Variants in SPOCK3 observed in about 807,000 individuals in gnomAD.
The protein encoded by SPOCK3 is SPARC (osteonectin), cwcv and kazal like domains proteoglycan 3.
SPOCK3 carries 30 observed loss-of-function variants against 56.6 expected under a neutral mutation model. The observed-to-expected ratio is 0.53, with a 90% CI of 0.40 to 0.72. The LOEUF is 0.72. SPOCK3 is among the 30% of genes least tolerant of loss of function. The pLI is 0.00. For missense variants in SPOCK3, 527 were observed against 530.0 expected, an observed-to-expected ratio of 0.99 and a Z score of 0.06; for synonymous variants, 196 against 183.3, an observed-to-expected ratio of 1.07 and a Z score of -0.56.
At chr4:166,855,523 TA>T (rs751330322) in intron 6 of SPOCK3, among the ~76,000 whole-genome samples, 7 of 151,854 alleles carry the variant, frequency 4.6e-5, no homozygotes, top group Non-Finnish European at 1.0e-4. Flanking sequence ...AGCTACTCTT[TA>T]TACACAGGAA....
At chr4:166,970,664 G>A (rs1745273597) in intron 4 of SPOCK3, among the ~76,000 whole-genome samples, 1 of 151,884 alleles carries the variant, frequency 6.6e-6, no homozygotes, top group African/African-American at 2.4e-5. Flanking sequence ...GGTGGAGGCT[G>A]CAGTGAACTG....
At chr4:167,162,311 C>T (rs909620903) in intron 2 of SPOCK3, among the ~76,000 whole-genome samples, 2 of 151,992 alleles carry the variant, frequency 1.3e-5, no homozygotes, top group Non-Finnish European at 2.9e-5. Flanking sequence ...GGAGACTTAG[C>T]CCCAGACTTA....
intron 2 of SPOCK3, among the ~76,000 whole-genome samples, chr4:167,205,384 T>TATA (rs1734082643): frequency 2.3e-5 from 1 of 42,900 alleles, no homozygotes; most frequent in Non-Finnish European, 3.8e-5. Context: ...ATATATAATA[T>TATA]ATATATTTTA....
rs1024968095 is a variant in SPOCK3 at position 167,105,644 on chromosome 4, T to C, written c.190-43107A>G. Among the ~76,000 whole-genome samples the C allele has an allele frequency of 9.3e-5, 14 of 150,984 alleles. No individual in the cohort carries two copies. The East Asian group carries it at 1.9e-3, about 21-fold the overall frequency. ...ACATTGAAATGTTAAATGGACTAAA[T>C]TGAAATGTTAAATGGACTAAATTAT... On this transcript the variant is annotated intron_variant, in intron 2 of 10. Transcript: ENST00000357545.
At chr4:167,014,421 G>T (rs958756127) in intron 3 of SPOCK3, among the ~76,000 whole-genome samples, 2 of 151,944 alleles carry the variant, frequency 1.3e-5, no homozygotes, top group African/African-American at 2.4e-5. Flanking sequence ...AGAGGCAGGA[G>T]GATTGCTTGA....
intron 2 of SPOCK3, among the ~76,000 whole-genome samples, chr4:167,184,162 C>T (rs1049820615): frequency 3.3e-5 from 5 of 152,082 alleles, no homozygotes; most frequent in African/African-American, 1.2e-4. Flanking sequence ...AAATTAATCC[C>T]CTTTCACTCT....
Position 167,021,925 on chromosome 4 carries a change from T to G in SPOCK3, c.236-21462A>C, listed in dbSNP as rs1312927482. 2.0e-5 allele frequency among the ~76,000 whole-genome samples: 3 copies of G among 152,052 alleles called. No homozygotes were observed. In the East Asian group the frequency reaches 5.8e-4, roughly 29 times the overall value. On this transcript the variant is annotated intron_variant, in intron 3 of 10. Coordinates refer to ENST00000357545, the MANE Select transcript of SPOCK3 (RefSeq NM_001040159.2). ...AATTCTCCTTCGGTGGGTATTAAGC[T>G]TATATAATAACAATAATAATTGCAG...
intron 2 of SPOCK3, among the ~76,000 whole-genome samples, chr4:167,125,191 T>TTTTATTTATTTATTTA: frequency 7.0e-6 from 1 of 142,528 alleles, no homozygotes; most frequent in South Asian, 2.2e-4. Context: ...CACAGAGATT[T>TTTTATTTATTTATTTA]TTTATTTATT....
intron 2 of SPOCK3, among the ~76,000 whole-genome samples, chr4:167,068,853 G>T (rs1236245666): frequency 2.0e-5 from 3 of 151,880 alleles, no homozygotes; most frequent in African/African-American, 4.8e-5. Context: ...TATGTAAAGA[G>T]AAACCTATTC....
chr4:167,084,925 A>C (rs555730940), intron 2 of SPOCK3, among the ~76,000 whole-genome samples: 18 of 152,090 alleles, frequency 1.2e-4, no homozygotes, highest in Non-Finnish European at 2.1e-4. Context: ...GCCCCTGGAA[A>C]TTCAGTTTGA....
chr4:166,762,380 G>GT (rs1399988299), intron 7 of SPOCK3, among the ~76,000 whole-genome samples: 6 of 152,106 alleles, frequency 3.9e-5, no homozygotes, highest in African/African-American at 9.7e-5. Context: ...GAGATTTCTG[G>GT]TGTGCCCTTG....
intron 5 of SPOCK3, among the ~76,000 whole-genome samples, chr4:166,893,345 AAACC>A: frequency 6.6e-6 from 1 of 152,256 alleles, no homozygotes; most frequent in Admixed American, 6.6e-5. Context: ...ACAATTCTAC[AAACC>A]AACTGTCAAT....
At chr4:167,022,039 G>A (rs188477943) in intron 3 of SPOCK3, among the ~76,000 whole-genome samples, 76 of 152,094 alleles carry the variant, frequency 5.0e-4, no homozygotes, top group Non-Finnish European at 1.0e-3. Context: ...GATGTGTCAC[G>A]TTGGTAAAGT....
intron 2 of SPOCK3, among the ~76,000 whole-genome samples, chr4:167,121,653 T>G (rs1761875567): frequency 6.6e-6 from 1 of 152,176 alleles, no homozygotes; most frequent in Non-Finnish European, 1.5e-5. Flanking sequence ...ATACTATTCA[T>G]TTCTAATCTT....
chr4:166,946,774 G>A (rs1316958124), intron 4 of SPOCK3, among the ~76,000 whole-genome samples: 2 of 152,112 alleles, frequency 1.3e-5, no homozygotes, highest in Non-Finnish European at 2.9e-5. Context: ...ACACTATAAT[G>A]TAAGTACAGC....
intron 3 of SPOCK3, among the ~76,000 whole-genome samples, chr4:167,043,813 T>C (rs1041118830): frequency 6.6e-6 from 1 of 152,054 alleles, no homozygotes; most frequent in East Asian, 1.9e-4. Flanking sequence ...ATTAATCTTA[T>C]AATACATTTT....
chr4:166,810,859 T>C (rs888651309), intron 6 of SPOCK3, among the ~76,000 whole-genome samples: 3 of 151,914 alleles, frequency 2.0e-5, no homozygotes, highest in Non-Finnish European at 2.9e-5. Flanking sequence ...TAAACAAAAT[T>C]AGTGTTTGAA....
intron 5 of SPOCK3, among the ~76,000 whole-genome samples, chr4:166,903,835 T>C (rs1268668899): frequency 6.6e-6 from 1 of 152,024 alleles, no homozygotes; most frequent in Admixed American, 6.6e-5. Flanking sequence ...CACTAAAACA[T>C]ACAGTGCTCA....
intron 3 of SPOCK3, among the ~76,000 whole-genome samples, chr4:167,050,512 C>A (rs555158488): frequency 1.3e-5 from 2 of 152,000 alleles, no homozygotes; most frequent in African/African-American, 4.8e-5. Context: ...CAAATAAATA[C>A]GATTACCATA....
Sources: allele counts gnomAD v4.1 joint callset (sites outside exome capture counted in the v4.1 genomes callset), GRCh38; gene constraint gnomAD v4.1.1; transcripts MANE v1.5; gene names NCBI Gene and HGNC (gene_info 2026-07-23, HGNC 2026-07-21).